NRG4: variants seen among roughly 807,000 people sequenced by gnomAD.
NRG4 encodes pro-neuregulin-4, membrane-bound isoform.
A neutral mutation model predicts 15.0 loss-of-function variants in NRG4; 10 were observed. The observed-to-expected ratio is 0.67, with a 90% confidence interval of 0.41 to 1.13. The LOEUF is 1.13. Among genes scored for constraint, NRG4 ranks in the 50% most tolerant of loss-of-function variants. NRG4 has a pLI of 0.00. For missense variants in NRG4, 139 were observed against 140.2 expected, an observed-to-expected ratio of 0.99 and a Z score of 0.04; for synonymous variants, 41 against 50.1, an observed-to-expected ratio of 0.82 and a Z score of 0.77.
upstream of NRG4, among the ~76,000 whole-genome samples, chr15:76,014,298 G>C (rs9745177): frequency 0.052 from 7,855 of 152,184 alleles, 415 homozygotes; most frequent in African/African-American, 0.14. Flanking sequence ...TAGGTTGCCT[G>C]TTTACTCTGA....
At chr15:75,956,546 T>C (rs1175413434) in intron 4 of NRG4, among the ~76,000 whole-genome samples, 2 of 152,186 alleles carry the variant, frequency 1.3e-5, no homozygotes, top group East Asian at 3.8e-4. Context: ...TACAGTTGAT[T>C]TCATTTTTTG....
intron 1 of NRG4, among the ~76,000 whole-genome samples, chr15:76,058,006 C>A (rs1291312312): frequency 6.6e-6 from 1 of 151,970 alleles, no homozygotes; most frequent in African/African-American, 2.4e-5. Context: ...TTTCAAAATA[C>A]TTGTCGTACT....
At chr15:76,042,544 A>G (rs962552396) in intron 4 of NRG4, among the ~76,000 whole-genome samples, 1 of 152,112 alleles carries the variant, frequency 6.6e-6, no homozygotes, top group Non-Finnish European at 1.5e-5. Flanking sequence ...ATGCCAATAA[A>G]TTGAAAAGCC....
chr15:75,957,837 C>T (rs1333842900), intron 4 of NRG4, among the ~76,000 whole-genome samples: 1 of 151,824 alleles, frequency 6.6e-6, no homozygotes, highest in African/African-American at 2.4e-5. Context: ...ATCTATTTTC[C>T]AATTCATTAA....
intron 3 of NRG4, among the ~76,000 whole-genome samples, chr15:75,978,356 A>G (rs560718186): frequency 1.3e-5 from 2 of 152,278 alleles, no homozygotes; most frequent in South Asian, 2.1e-4. Flanking sequence ...GGCTCCATTC[A>G]TGTTGCTGCA....
chr15:75,958,798 G>T (rs913584065), intron 4 of NRG4, among the ~76,000 whole-genome samples: 1 of 152,060 alleles, frequency 6.6e-6, no homozygotes, highest in Non-Finnish European at 1.5e-5. Context: ...ATATTTCTAA[G>T]TTCTGGCACA....
chr15:76,023,963 C>A (rs1464755249), intron 5 of NRG4, among the ~76,000 whole-genome samples: 1 of 152,222 alleles, frequency 6.6e-6, no homozygotes, highest in African/African-American at 2.4e-5. Flanking sequence ...ACTCTTTGGG[C>A]TGTCCCCCAA....
intron 3 of NRG4, among the ~76,000 whole-genome samples, chr15:75,980,965 A>G (rs534806951): frequency 6.6e-6 from 1 of 152,344 alleles, no homozygotes; most frequent in East Asian, 1.9e-4. Flanking sequence ...AAGAGAATGA[A>G]ACCAAAATAC....
At chr15:75,970,059 G>T (rs754402257) in intron 3 of NRG4, among the ~76,000 whole-genome samples, 8 of 152,136 alleles carry the variant, frequency 5.3e-5, no homozygotes, top group Non-Finnish European at 1.0e-4. Flanking sequence ...TAAATTTACA[G>T]ATGAAAATGC....
intron 5 of NRG4, among the ~76,000 whole-genome samples, chr15:76,017,580 C>T (rs997951679): frequency 1.3e-4 from 20 of 152,066 alleles, no homozygotes; most frequent in African/African-American, 4.8e-4. Context: ...TTTTATTTCT[C>T]CTTCACTAAT....
At position 75,961,887 on chromosome 15, in the gene NRG4, A is replaced by G; in HGVS notation, c.192T>C (p.Ala64=). 2 of 1,613,776 alleles carry G rather than the reference A, an allele frequency of 1.2e-6. No individual in the cohort carries two copies. Among genetic ancestry groups the G allele is most frequent in the Non-Finnish European group, 1.7e-6 (2 of 1,179,670 alleles). ...SIQTKSNLFE[A]FVALAVLVTL... is the part of the protein sequence containing the mutation. ...TTACTAGGACCGCCAATGCCACAAA[A>G]GCTTCAAACAGGTTACTTTTAGTTT... Residue 64 remains alanine, a synonymous_variant, in exon 4 of 6, where the codon GCT becomes GCC. Transcript: ENST00000394907.
intron 5 of NRG4, among the ~76,000 whole-genome samples, chr15:75,955,204 A>C (rs968572089): frequency 2.6e-5 from 4 of 152,068 alleles, no homozygotes; most frequent in Non-Finnish European, 4.4e-5. Flanking sequence ...TCTTTTTTCC[A>C]GGACTCTCCT....
At chr15:75,985,572 C>T (rs2033769004) in intron 3 of NRG4, among the ~76,000 whole-genome samples, 4 of 152,148 alleles carry the variant, frequency 2.6e-5, no homozygotes, top group Admixed American at 1.3e-4. Context: ...ACAGTTCAGG[C>T]ATACGGAGAC....
At chr15:76,058,579 A>G (rs2036212786) in intron 1 of NRG4, among the ~76,000 whole-genome samples, 1 of 152,224 alleles carries the variant, frequency 6.6e-6, no homozygotes, top group Non-Finnish European at 1.5e-5. Flanking sequence ...CTACGGCAGG[A>G]AGAAAAGACA....
chr15:76,011,844 CTTAAAA>C (rs1000748772), intron 1 of NRG4, among the ~76,000 whole-genome samples: 4 of 151,938 alleles, frequency 2.6e-5, no homozygotes, highest in Admixed American at 2.0e-4. Flanking sequence ...TATCCCGGAA[CTTAAAA>C]TTAAATTTAA....
In NRG4 at chr15:76,050,373, G is replaced by A. The variant is rs749711727; in HGVS notation, c.-105+1694C>T. The stretch of plus-strand genomic sequence containing the variant: ...CTTCGTAGAGGTTAGAAAAGAACAG[G>A]CACCATCCTCAGTATGACAGCATCT... On this transcript the variant is annotated intron_variant, in intron 4 of 8. Coordinates refer to the NRG4 transcript ENST00000563910. Among the ~76,000 whole-genome samples the A allele has an allele frequency of 3.4e-4, 51 of 149,174 alleles. 2 individuals are homozygous for A. Among genetic ancestry groups the A allele is most frequent in the Non-Finnish European group, 6.8e-4 (46 of 67,600 alleles).
chr15:76,005,550 G>A (rs574597860), intron 3 of NRG4, among the ~76,000 whole-genome samples: 17 of 151,748 alleles, frequency 1.1e-4, no homozygotes, highest in Admixed American at 9.8e-4. Flanking sequence ...GCTGGGTGTC[G>A]TGGCACACAC....
At chr15:75,940,526 T>G (rs1423979140), downstream of NRG4, 1 of 149,900 alleles carries the variant, frequency 6.7e-6, no homozygotes, top group East Asian at 1.9e-4. Context: ...GGATCCCAAA[T>G]AGCCAAGTCA....
intron 4 of NRG4, among the ~76,000 whole-genome samples, chr15:75,957,243 C>T (rs2032284633): frequency 6.6e-6 from 1 of 152,120 alleles, no homozygotes; most frequent in African/African-American, 2.4e-5. Context: ...TCACACACGC[C>T]GTATAGGATC....
Sources: gnomAD v4.1 joint callset for allele counts (sites outside exome capture counted in the v4.1 genomes callset) on GRCh38, gnomAD v4.1.1 for gene constraint, MANE v1.5 for transcripts, NCBI Gene and HGNC (gene_info 2026-07-23, HGNC 2026-07-21) for gene names.